The following AP3B1 variants were observed in gnomAD, a reference collection of about 807,000 sequenced individuals.
The protein encoded by AP3B1 is AP-3 complex subunit beta-1.
A neutral mutation model predicts 132.5 loss-of-function variants in AP3B1; 61 were observed. The observed-to-expected ratio is 0.46, with a 90% CI of 0.37 to 0.57. The LOEUF (loss-of-function observed/expected upper bound fraction) is 0.57, where lower values mean the gene tolerates loss of function less well. Among genes scored for constraint, AP3B1 ranks in the 20% least tolerant of loss-of-function variants. The pLI is 0.00. For missense variants in AP3B1, 1,120 were observed against 1,289.4 expected (o/e 0.87, Z 2.01); for synonymous variants, 388 against 438.3 (o/e 0.89, Z 1.43).
At chr5:78,074,017 C>T (rs554485992) in intron 22 of AP3B1, among the ~76,000 whole-genome samples, 17 of 152,184 alleles carry the variant, frequency 1.1e-4, no homozygotes, top group African/African-American at 3.9e-4. Context: ...TCTGATTCAG[C>T]GGATTTGTCA....
At chr5:78,097,799 C>A (rs1043681643) in intron 21 of AP3B1, among the ~76,000 whole-genome samples, 1 of 152,140 alleles carries the variant, frequency 6.6e-6, no homozygotes, top group Non-Finnish European at 1.5e-5. Context: ...TCATTGAGAA[C>A]GGGCCATGAT....
intron 2 of AP3B1, among the ~76,000 whole-genome samples, chr5:78,259,492 T>C (rs1470635370): frequency 6.6e-6 from 1 of 152,132 alleles, no homozygotes. Flanking sequence ...AATAATGTAA[T>C]TGTACATTTT....
At chr5:78,171,372 A>T (rs1458521362) in intron 11 of AP3B1, among the ~76,000 whole-genome samples, 2 of 152,124 alleles carry the variant, frequency 1.3e-5, no homozygotes, top group African/African-American at 4.8e-5. Flanking sequence ...ATGAGCGTGA[A>T]ATGTTCTTCC....
intron 17 of AP3B1, among the ~76,000 whole-genome samples, chr5:78,116,892 G>A (rs961878274): frequency 5.9e-5 from 9 of 152,010 alleles, no homozygotes; most frequent in African/African-American, 1.9e-4. Flanking sequence ...CTAAATGAGA[G>A]CAAGCTCCTT....
chr5:78,227,285 A>T lies in AP3B1; in HGVS notation c.536+87T>A, dbSNP rs189462558. The T allele has an allele frequency of 4.1e-4, 542 of 1,338,058 alleles. 3 individuals are homozygous for T. The African/African-American group carries it at 7.0e-3, about 17-fold the overall frequency. The allele number at this position is 1,338,058 out of a possible 1,614,324, so 82.9% of individuals were successfully genotyped here. A position where few individuals can be genotyped will look rare whatever the true frequency, so the allele number is the denominator to read the frequency against. ...TACTTAGTGTAAGAGCAGCCTACCT[A>T]AAAGAGCGAATAAAACAAGCCTCTG... On this transcript the variant is annotated intron_variant, in intron 5 of 26. Coordinates refer to ENST00000255194, the MANE Select transcript of AP3B1 (RefSeq NM_003664.5).
intron 11 of AP3B1, among the ~76,000 whole-genome samples, chr5:78,167,103 A>G (rs1743666702): frequency 1.3e-5 from 2 of 152,226 alleles, no homozygotes; most frequent in Non-Finnish European, 2.9e-5. Context: ...TACATCTGAC[A>G]AAGGACTAAT....
chr5:78,061,098 C>A (rs1258445073), intron 22 of AP3B1, among the ~76,000 whole-genome samples: 6 of 151,434 alleles, frequency 4.0e-5, no homozygotes, highest in African/African-American at 1.5e-4. Flanking sequence ...AAGCACACCG[C>A]TGGGTCTCAG....
At chr5:78,289,081 G>A (rs573512553) in intron 1 of AP3B1, among the ~76,000 whole-genome samples, 146 of 152,116 alleles carry the variant, frequency 9.6e-4, no homozygotes, top group African/African-American at 3.1e-3. Context: ...AATATAATGC[G>A]TTACTATTAA....
rs778769284 is a variant in AP3B1, at chr5:78,294,466, G to A, written c.114C>T (p.Ser38=). 6 of 1,614,082 alleles carry A rather than the reference G, an allele frequency of 3.7e-6. No individual in the cohort carries two copies. The highest frequency in any genetic ancestry group is 4.2e-6 in the Non-Finnish European group (5 of 1,180,060). Residue 38 remains serine, a synonymous_variant, in exon 1 of 27, where the codon AGC becomes AGT. Transcript: ENST00000255194. The part of the protein sequence containing the change: ...ISPSGAFGLF[S]SDLKKNEDLK... ...TTTCTCCTCACTTCTTCAAATCGCT[G>A]CTAAAGAGGCCGAAGGCCCCCGAGG...
At chr5:78,153,471 C>A (rs1388956695) in intron 14 of AP3B1, among the ~76,000 whole-genome samples, 10 of 151,754 alleles carry the variant, frequency 6.6e-5, no homozygotes, top group Non-Finnish European at 1.2e-4. Context: ...TTCTTGTAGG[C>A]ACCAGATCAT....
chr5:78,005,159 G>A (rs1472299285), intron 26 of AP3B1, among the ~76,000 whole-genome samples: 1 of 152,170 alleles, frequency 6.6e-6, no homozygotes, highest in Non-Finnish European at 1.5e-5. Flanking sequence ...CATCACGTGT[G>A]TAATTCACTC....
At chr5:78,274,903 T>G (rs575938898) in intron 1 of AP3B1, among the ~76,000 whole-genome samples, 1 of 144,596 alleles carries the variant, frequency 6.9e-6, no homozygotes, top group East Asian at 2.0e-4. Context: ...TCAGCCTGGG[T>G]GAGACCCTAT....
chr5:78,064,015 CA>C lies in AP3B1; in HGVS notation c.2578-24742del, dbSNP rs571859431. ...AAGGTATAAACATAAGAAGTACTTG[CA>C]GGGGGGGTCGGGCAGGAAGAGGGAA... On this transcript the variant is annotated intron_variant, in intron 22 of 26. Transcript: ENST00000255194. 4.7e-5 allele frequency among the ~76,000 whole-genome samples: 7 copies of C among 150,030 alleles called. No homozygotes were observed. In the East Asian group the frequency reaches 5.9e-4, roughly 13 times the overall value.
chr5:78,249,232 G>C (rs1191460607), intron 2 of AP3B1, among the ~76,000 whole-genome samples: 3 of 151,952 alleles, frequency 2.0e-5, no homozygotes, highest in South Asian at 4.2e-4. Flanking sequence ...GGGCTGGGGA[G>C]CGGGGGCACC....
chr5:78,088,247 C>A (rs1219102963), intron 22 of AP3B1, among the ~76,000 whole-genome samples: 1 of 152,122 alleles, frequency 6.6e-6, no homozygotes, highest in Non-Finnish European at 1.5e-5. Context: ...ATTTTCAATG[C>A]TTCTCCCTCA....
intron 13 of AP3B1, among the ~76,000 whole-genome samples, 174 bp downstream of exon 13, chr5:78,162,645 C>G (rs1197371499): frequency 6.6e-6 from 1 of 151,798 alleles, no homozygotes; most frequent in Non-Finnish European, 1.5e-5. Flanking sequence ...AAAAAAGAAC[C>G]CAGAATATGC....
chr5:78,158,063 G>T (rs769043092), intron 13 of AP3B1, among the ~76,000 whole-genome samples: 2 of 152,084 alleles, frequency 1.3e-5, no homozygotes, highest in African/African-American at 2.4e-5. Context: ...CTTTTTCACT[G>T]AAATGTATTT....
chr5:78,165,205 T>C (rs1743562011), intron 12 of AP3B1, among the ~76,000 whole-genome samples: 1 of 152,102 alleles, frequency 6.6e-6, no homozygotes, highest in South Asian at 2.1e-4. Flanking sequence ...TTGAGCTATA[T>C]ATGAGGCTAA....
intron 14 of AP3B1, among the ~76,000 whole-genome samples, chr5:78,149,068 A>G (rs748100637): frequency 6.6e-6 from 1 of 152,184 alleles, no homozygotes; most frequent in Non-Finnish European, 1.5e-5. Flanking sequence ...GTAGACATTG[A>G]TCATGTCACT....
Sources: allele counts gnomAD v4.1 joint callset (sites outside exome capture counted in the v4.1 genomes callset), GRCh38; gene constraint gnomAD v4.1.1; transcripts MANE v1.5; gene names NCBI Gene and HGNC (gene_info 2026-07-23, HGNC 2026-07-21).